ANKRD11: variants seen among roughly 807,000 people sequenced by gnomAD.
ANKRD11 encodes ankyrin repeat domain 11.
ANKRD11 carries 17 observed loss-of-function variants against 195.7 expected under a neutral mutation model. The observed-to-expected ratio is 0.09, with a 90% CI of 0.06 to 0.13. The LOEUF (loss-of-function observed/expected upper bound fraction) is 0.13, where lower values mean the gene tolerates loss of function less well. Among genes scored for constraint, ANKRD11 ranks in the 10% least tolerant of loss-of-function variants. ANKRD11 has a pLI of 1.00. For synonymous variants in ANKRD11, 1,953 were observed against 1,528.1 expected, an observed-to-expected ratio of 1.28 and a Z score of -6.49; for missense variants, 3,735 against 3,566.1, an observed-to-expected ratio of 1.05 and a Z score of -1.21.
chr16:89,282,828 G>C lies in ANKRD11; in HGVS notation c.3714C>G (p.Leu1238=), dbSNP rs889100770. Residue 1238 remains leucine, a synonymous_variant, in exon 9 of 13, where the codon CTC becomes CTG. Coordinates refer to ENST00000301030, the MANE Select transcript of ANKRD11 (RefSeq NM_013275.6). ...CGTGCTTCTTTTCAGCCTTCTCGGGGAGCTTCTGTTTATTTTTCTTATCTT... is the reference window on the plus strand; with the variant it reads ...CGTGCTTCTTTTCAGCCTTCTCGGGCAGCTTCTGTTTATTTTTCTTATCTT... ...STQDKKNKQK[L]PEKAEKKHAA... 1.9e-5 allele frequency: 30 copies of C among 1,611,158 alleles called. No homozygotes were observed. In the East Asian group the frequency reaches 6.2e-4, roughly 34 times the overall value.
chr16:89,318,233 C>G (rs1297514062), intron 2 of ANKRD11, among the ~76,000 whole-genome samples: 1 of 152,204 alleles, frequency 6.6e-6, no homozygotes, highest in Non-Finnish European at 1.5e-5. Flanking sequence ...CATGGACACT[C>G]TCGGAGCATG....
At chr16:89,316,016 G>T (rs1023319943) in intron 3 of ANKRD11, among the ~76,000 whole-genome samples, 1 of 152,090 alleles carries the variant, frequency 6.6e-6, no homozygotes, top group South Asian at 2.1e-4. Flanking sequence ...GCCCACCAGG[G>T]ACCACCGAGG....
At chr16:89,341,436 T>C (rs1427422576) in intron 2 of ANKRD11, among the ~76,000 whole-genome samples, 1 of 152,218 alleles carries the variant, frequency 6.6e-6, no homozygotes, top group South Asian at 2.1e-4. Flanking sequence ...ACCAAGCAGC[T>C]TCCCAGCCTT....
rs752173892 is a variant in ANKRD11 at position 89,284,806 on chromosome 16, T to C, written c.1736A>G (p.Tyr579Cys). The change falls in exon 9 of 13, where the codon TAC becomes TGC. Residue 579 changes from tyrosine (Y) to cysteine (C), a missense_variant. Coordinates refer to ENST00000301030, the MANE Select transcript of ANKRD11 (RefSeq NM_013275.6). ...TTCCACACTGGAGCCCTCAGAGGAG[T>C]AGTCAGACTCGCTTGTCAGTCTCGT... ...TRTRLTSESD[Y>C]SSEGSSVESL... 39 of 1,613,354 alleles carry C rather than the reference T, an allele frequency of 2.4e-5. No individual in the cohort carries two copies. The highest frequency in any genetic ancestry group is 2.0e-4 in the South Asian group (18 of 91,038).
Position 89,281,892 on chromosome 16 carries a change from G to C in ANKRD11, c.4650C>G (p.Asn1550Lys), listed in dbSNP as rs771198140. The C allele has an allele frequency of 1.2e-6, 2 of 1,613,724 alleles. No homozygotes were observed. The highest frequency in any genetic ancestry group is 2.2e-5 in the South Asian group (2 of 91,076). ...KEKGDPVKMS[N>K]GNDKVAPSKD... Reference sequence around the variant, plus strand: ...TGGATGGCGCTACCTTATCATTCCCGTTGCTCATCTTCACTGGGTCGCCCT... The same window carrying C: ...TGGATGGCGCTACCTTATCATTCCCCTTGCTCATCTTCACTGGGTCGCCCT... Residue 1550 changes from asparagine (N) to lysine (K), a missense_variant, in exon 9 of 13, where the codon AAC becomes AAG. Coordinates refer to ENST00000301030, the MANE Select transcript of ANKRD11 (RefSeq NM_013275.6). The surrounding 1 kb of genome is among the most constrained non-coding windows in gnomAD (Gnocchi z 5.5).
At chr16:89,344,791 C>T (rs1053853500) in intron 2 of ANKRD11, among the ~76,000 whole-genome samples, 10 of 152,144 alleles carry the variant, frequency 6.6e-5, no homozygotes, top group Non-Finnish European at 1.0e-4. Context: ...AGGCCAGAGG[C>T]GGCTGGAGCA....
Position 89,284,561 on chromosome 16 carries a change from A to G in ANKRD11, c.1981T>C (p.Tyr661His). 1 of 1,614,042 alleles carries G rather than the reference A, an allele frequency of 6.2e-7. No homozygotes were observed. The highest frequency in any genetic ancestry group is 8.5e-7 in the Non-Finnish European group (1 of 1,180,026). The change falls in exon 9 of 13, where the codon TAT becomes CAT. Residue 661 changes from tyrosine (Y) to histidine (H), a missense_variant. Transcript: ENST00000301030. ...ELKLKSFTYE[Y>H]EDSKQKSDKA... is the part of the protein sequence containing the mutation. Reference sequence around the variant, plus strand: ...TCTGACTTCTGCTTGGAGTCCTCATATTCGTAAGTAAAACTTTTCAACTTC... The same window carrying G: ...TCTGACTTCTGCTTGGAGTCCTCATGTTCGTAAGTAAAACTTTTCAACTTC...
intron 2 of ANKRD11, chr16:89,396,175 G>C (rs2041418296): frequency 6.6e-6 from 1 of 152,206 alleles, no homozygotes; most frequent in Non-Finnish European, 1.5e-5. Flanking sequence ...TCCAAGAGCA[G>C]ACAGCTTCTG....
chr16:89,415,829 C>CAAACAAAAAAAAAAAAAAAAAAAAAAAA (rs1343927982), intron 2 of ANKRD11, among the ~76,000 whole-genome samples: 1 of 39,744 alleles, frequency 2.5e-5, no homozygotes, highest in Non-Finnish European at 4.7e-5. Flanking sequence ...GACTCTGTCT[C>CAAACAAAAAAAAAAAAAAAAAAAAAAAA]AAAAAAAAAA....
chr16:89,377,669 G>C (rs890183140), intron 2 of ANKRD11, among the ~76,000 whole-genome samples: 1 of 152,040 alleles, frequency 6.6e-6, no homozygotes, highest in African/African-American at 2.4e-5. Flanking sequence ...CAGAGGGGAG[G>C]GGTTCCCACG....
chr16:89,366,885 C>T lies in ANKRD11; in HGVS notation c.-59-49807G>A, dbSNP rs572532345. 1.1e-4 allele frequency among the ~76,000 whole-genome samples: 16 copies of T among 152,360 alleles called. No homozygotes were observed. The South Asian group carries it at 2.3e-3, about 22-fold the overall frequency. Reference sequence around the variant, plus strand: ...CACTCACGGCCTCTGTCACATCATCCTGTTGCTGCTGTGAACGACCCTTTA... The same window carrying T: ...CACTCACGGCCTCTGTCACATCATCTTGTTGCTGCTGTGAACGACCCTTTA... On this transcript the variant is annotated intron_variant, in intron 2 of 12. Coordinates refer to ENST00000301030, the MANE Select transcript of ANKRD11 (RefSeq NM_013275.6).
chr16:89,281,544 A>G lies in ANKRD11; in HGVS notation c.4998T>C (p.Asn1666=), dbSNP rs1378093745. Residue 1666 remains asparagine, a synonymous_variant, in exon 9 of 13, where the codon AAT becomes AAC. Transcript: ENST00000301030. The surrounding 1 kb of genome is among the most constrained non-coding windows in gnomAD (Gnocchi z 5.5). ...CTGCACCTGATGCTGGGTGTAGCTT[A>G]TTTTCCGCGGCAGGTGGAATAGGAG... ...ESTPIPPAAE[N]KLHPASGADS... is the part of the protein sequence containing the mutation. 1.9e-6 allele frequency: 3 copies of G among 1,613,960 alleles called. No homozygotes were observed. The highest frequency in any genetic ancestry group is 4.5e-5 in the East Asian group (2 of 44,850).
chr16:89,382,145 CAG>C (rs1008258089), intron 2 of ANKRD11, among the ~76,000 whole-genome samples: 4 of 152,080 alleles, frequency 2.6e-5, no homozygotes, highest in African/African-American at 9.7e-5. Flanking sequence ...ACCCAGGGGA[CAG>C]AGAGTCTGCT....
rs987343072 is a variant in ANKRD11 at position 89,423,774 on chromosome 16, T to C, written c.-144-5406A>G. On this transcript the variant is annotated intron_variant, in intron 1 of 12. Coordinates refer to ENST00000301030, the MANE Select transcript of ANKRD11 (RefSeq NM_013275.6). ...GTAAGAAAACGTTTTAAATGGTCCG[T>C]TTTCCAGGCATGATAAATCTACGCA... is the stretch of plus-strand genomic sequence containing the variant. 2.6e-5 allele frequency among the ~76,000 whole-genome samples: 4 copies of C among 152,224 alleles called. No homozygotes were observed. In the East Asian group the frequency reaches 7.7e-4, roughly 29 times the overall value.
At chr16:89,268,864 C>T (rs2151662881) in intron 12 of ANKRD11, among the ~76,000 whole-genome samples, 1 of 152,374 alleles carries the variant, frequency 6.6e-6, no homozygotes, top group South Asian at 2.1e-4. Flanking sequence ...TGTCTGTCCC[C>T]ATAACCGCTG....
At chr16:89,273,251 G>T (rs1041517330) in intron 11 of ANKRD11, among the ~76,000 whole-genome samples, 1 of 152,140 alleles carries the variant, frequency 6.6e-6, no homozygotes, top group Non-Finnish European at 1.5e-5. Flanking sequence ...TTCCTTGGAA[G>T]GTGTTAGAGG....
chr16:89,441,775 A>AAAAAAAAC (rs2043507135), intron 1 of ANKRD11, among the ~76,000 whole-genome samples: 2 of 103,086 alleles, frequency 1.9e-5, no homozygotes, highest in Non-Finnish European at 4.9e-5. Context: ...TACAAAAAAA[A>AAAAAAAAC]AAAAAAAAAA....
At chr16:89,323,259 A>G (rs771618229) in intron 2 of ANKRD11, 1 of 1,272,892 alleles carries the variant, frequency 7.9e-7, no homozygotes, top group Non-Finnish European at 1.0e-6. Context: ...AAAGAGCTGC[A>G]TACCTGGCAG....
At chr16:89,412,962 CAT>C (rs2042156190) in intron 2 of ANKRD11, among the ~76,000 whole-genome samples, 2 of 152,124 alleles carry the variant, frequency 1.3e-5, no homozygotes, top group Admixed American at 6.5e-5. Context: ...TAAAAGCACA[CAT>C]GAGGGAAAAC....
Sources: allele counts gnomAD v4.1 joint callset (sites outside exome capture counted in the v4.1 genomes callset), GRCh38; gene constraint gnomAD v4.1.1; non-coding constraint Gnocchi (gnomAD v3.1); transcripts MANE v1.5; gene names NCBI Gene and HGNC (gene_info 2026-07-23, HGNC 2026-07-21).